Variants in DNAH8 observed in about 807,000 individuals in gnomAD.
DNAH8 encodes the protein dynein axonemal heavy chain 8.
A neutral mutation model predicts 562.1 loss-of-function variants in DNAH8; 382 were observed. The ratio of observed to expected loss-of-function variants is 0.68; its 90% CI spans 0.63 to 0.74. The LOEUF (loss-of-function observed/expected upper bound fraction) is 0.74. Among genes scored for constraint, DNAH8 ranks in the 30% least tolerant of loss-of-function variants. DNAH8 has a pLI of 0.00. For synonymous variants in DNAH8, 1,881 were observed against 1,919.4 expected (o/e 0.98, Z 0.52); for missense variants, 5,203 against 5,620.4 (o/e 0.93, Z 2.37).
chr6:39,002,268 C>T (rs1275453771), intron 88 of DNAH8, among the ~76,000 whole-genome samples: 1 of 152,180 alleles, frequency 6.6e-6, no homozygotes, highest in East Asian at 1.9e-4. Flanking sequence ...CCTAACATAG[C>T]AGTTCATCCA....
chr6:38,977,847 A>G (rs929676255), intron 85 of DNAH8, among the ~76,000 whole-genome samples: 1 of 152,186 alleles, frequency 6.6e-6, no homozygotes, highest in Non-Finnish European at 1.5e-5. Context: ...TTCTCAGCCA[A>G]TTATCTACAA....
chr6:38,874,080 CTT>C (rs1777738544), intron 52 of DNAH8, among the ~76,000 whole-genome samples: 1 of 99,262 alleles, frequency 1.0e-5, no homozygotes, highest in South Asian at 3.6e-4. Context: ...TTCTTTCTTT[CTT>C]TCTTTCTTTC....
intron 10 of DNAH8, among the ~76,000 whole-genome samples, chr6:38,759,342 C>CAAACAAAG (rs1229694815): frequency 4.6e-5 from 7 of 151,328 alleles, no homozygotes; most frequent in Admixed American, 2.0e-4. Context: ...AACAAACAAA[C>CAAACAAAG]CACCACCAAC....
chr6:38,927,197 G>A (rs1782190238), intron 74 of DNAH8, among the ~76,000 whole-genome samples: 1 of 152,160 alleles, frequency 6.6e-6, no homozygotes, highest in Non-Finnish European at 1.5e-5. Flanking sequence ...AGAAGCACTT[G>A]GTAAAATTCA....
chr6:38,976,424 T>C (rs558838067), intron 85 of DNAH8, among the ~76,000 whole-genome samples: 1 of 152,342 alleles, frequency 6.6e-6, no homozygotes, highest in Non-Finnish European at 1.5e-5. Flanking sequence ...ATTTTAGACA[T>C]ATGTTTCAGA....
At chr6:38,968,775 C>G (rs1004897205) in intron 82 of DNAH8, among the ~76,000 whole-genome samples, 3 of 152,110 alleles carry the variant, frequency 2.0e-5, no homozygotes, top group Non-Finnish European at 4.4e-5. Context: ...AGCAAACTTG[C>G]CTCTAAGTAT....
intron 21 of DNAH8, among the ~76,000 whole-genome samples, chr6:38,796,718 A>AC (rs1254609264): frequency 5.9e-5 from 9 of 152,102 alleles, no homozygotes; most frequent in Non-Finnish European, 1.3e-4. Flanking sequence ...AGTCAATCAC[A>AC]ATCCTCTCAT....
At chr6:38,725,336 T>A (rs986837992) in intron 3 of DNAH8, among the ~76,000 whole-genome samples, 1 of 148,966 alleles carries the variant, frequency 6.7e-6, no homozygotes, top group African/African-American at 2.5e-5. Flanking sequence ...ATAATAATAA[T>A]AAAGAGCTAC....
chr6:38,747,042 T>C (rs994061867), intron 8 of DNAH8, among the ~76,000 whole-genome samples: 1 of 152,198 alleles, frequency 6.6e-6, no homozygotes, highest in Non-Finnish European at 1.5e-5. Context: ...TTCAGTTAAC[T>C]TGGAATTTAT....
At chr6:38,993,750 T>A (rs1182537317) in intron 88 of DNAH8, among the ~76,000 whole-genome samples, 2 of 152,222 alleles carry the variant, frequency 1.3e-5, no homozygotes, top group Non-Finnish European at 2.9e-5. Flanking sequence ...GTCATTATTA[T>A]CTTCCTCATA....
chr6:38,879,103 C>A (rs1166053305), intron 53 of DNAH8, among the ~76,000 whole-genome samples: 1 of 152,038 alleles, frequency 6.6e-6, no homozygotes, highest in South Asian at 2.1e-4. Context: ...AAAACCTTCC[C>A]ACAAAGAAAA....
Position 38,883,937 on chromosome 6 carries a change from GA to G in DNAH8, c.8203del (p.Met2735Ter). 4 of 1,591,550 alleles carry G rather than the reference GA, an allele frequency of 2.5e-6. No homozygotes were observed. Among genetic ancestry groups the G allele is most frequent in the Non-Finnish European group, 2.6e-6 (3 of 1,167,508 alleles). Reference sequence around the variant, plus strand: ...AGCACATATGGGCCACCAGGAGGGAGAAAAATGACTGTATTTATTGATGATA... The same window carrying G: ...AGCACATATGGGCCACCAGGAGGGAGAAAATGACTGTATTTATTGATGATA... ...IGSTYGPPGGRKMTVFIDDIN... is the reference protein window; with the variant it reads ...IGSTYGPPGGXKMTVFIDDIN... On this transcript the variant is annotated frameshift_variant, in exon 56 of 93. Coordinates refer to ENST00000327475, the MANE Select transcript of DNAH8 (RefSeq NM_001206927.2). LOFTEE classifies it high-confidence loss of function.
At chr6:38,967,727 C>T (rs1380342627) in intron 82 of DNAH8, among the ~76,000 whole-genome samples, 1 of 152,010 alleles carries the variant, frequency 6.6e-6, no homozygotes, top group African/African-American at 2.4e-5. Flanking sequence ...AACTCAATCC[C>T]TATAAAAATC....
chr6:38,791,761 G>T (rs1279110645), intron 21 of DNAH8, 87 bp downstream of exon 21: 1 of 1,408,114 alleles, frequency 7.1e-7, no homozygotes, highest in African/African-American at 1.5e-5. Context: ...GTAGAAACCT[G>T]GGTCAGTAGC....
intron 23 of DNAH8, among the ~76,000 whole-genome samples, chr6:38,806,184 G>T (rs1306477054): frequency 6.6e-6 from 1 of 152,078 alleles, no homozygotes; most frequent in Non-Finnish European, 1.5e-5. Flanking sequence ...TGTCACATTT[G>T]CACTCATTCC....
chr6:38,763,864 G>A (rs1480040387), intron 11 of DNAH8: 1 of 153,478 alleles, frequency 6.5e-6, no homozygotes, highest in East Asian at 1.9e-4. Context: ...GAAGCGAGAG[G>A]CTAAAGAAAA....
chr6:38,858,450 A>G (rs138711521), intron 42 of DNAH8, among the ~76,000 whole-genome samples: 4 of 152,292 alleles, frequency 2.6e-5, no homozygotes, highest in South Asian at 4.1e-4. Flanking sequence ...TTCTGATCAG[A>G]TAGTTTGTAT....
chr6:38,904,798 A>AAG (rs1780327620), intron 62 of DNAH8, among the ~76,000 whole-genome samples: 1 of 151,420 alleles, frequency 6.6e-6, no homozygotes, highest in Admixed American at 6.6e-5. Context: ...GTCTCAAAAA[A>AAG]AAAAAAAAAA....
intron 7 of DNAH8, 37 bp downstream of exon 7, chr6:38,738,009 T>G (rs769761071): frequency 1.3e-6 from 2 of 1,590,314 alleles, no homozygotes; most frequent in Non-Finnish European, 8.6e-7. Flanking sequence ...GGACTAGTAG[T>G]TTTCATGTGC....
Sources: allele counts gnomAD v4.1 joint callset (sites outside exome capture counted in the v4.1 genomes callset), GRCh38; gene constraint gnomAD v4.1.1; transcripts MANE v1.5; gene names NCBI Gene and HGNC (gene_info 2026-07-23, HGNC 2026-07-21).